AXIN1: variants seen among roughly 807,000 people sequenced by gnomAD.
AXIN1 encodes the protein axin 1.
A neutral mutation model predicts 76.4 loss-of-function variants in AXIN1; 30 were observed. The observed-to-expected ratio is 0.39, with a 90% CI of 0.29 to 0.53. AXIN1 has a LOEUF of 0.53. Ranked by LOEUF, AXIN1 falls within the 20% of genes least tolerant of loss-of-function variation. The pLI, the probability that AXIN1 is intolerant of heterozygous loss-of-function variation, is 0.66. For synonymous variants in AXIN1, 545 were observed against 501.4 expected (o/e 1.09, Z -1.16); for missense variants, 1,140 against 1,198.8 (o/e 0.95, Z 0.72).
chr16:337,062 A>G (rs2053820334), intron 2 of AXIN1, among the ~76,000 whole-genome samples: 1 of 141,066 alleles, frequency 7.1e-6, no homozygotes, highest in South Asian at 2.4e-4. Flanking sequence ...AGGGAGGAGG[A>G]GCTCTTGAGC....
chr16:323,479 TA>T (rs199976096), intron 2 of AXIN1, among the ~76,000 whole-genome samples: 15 of 129,378 alleles, frequency 1.2e-4, no homozygotes, highest in Middle Eastern at 6.1e-3. Context: ...AAAATAAGAT[TA>T]AAAAAAACAA....
intron 2 of AXIN1, among the ~76,000 whole-genome samples, chr16:324,912 A>G (rs1157104594): frequency 6.6e-6 from 1 of 152,208 alleles, no homozygotes; most frequent in Admixed American, 6.5e-5. Context: ...CCCGGTGCAC[A>G]GTTCCTAAGG....
Position 291,259 on chromosome 16 carries a change from A to C in AXIN1, c.2225T>G (p.Val742Gly), listed in dbSNP as rs1195550898. Residue 742 changes from valine (V) to glycine (G), a missense_variant, in exon 9 of 11, where the codon GTC (valine) becomes GGC (glycine). Val to Gly is a moderately radical substitution (Grantham distance 109). This residue lies in a region of AXIN1 where 429 missense variants were observed against 405.8 expected (regional missense o/e 1.06). Coordinates refer to ENST00000262320, the MANE Select transcript of AXIN1 (RefSeq NM_003502.4). Reference sequence around the variant, plus strand: ...CAGCACCGGCGCGCACGCTGGCCTGACGCAGGCGCGTCCCCGCCGCATAAC... The same window carrying C: ...CAGCACCGGCGCGCACGCTGGCCTGCCGCAGGCGCGTCCCCGCCGCATAAC... ...QEVMRRGRAC[V>G]RPACAPVLHV... The C allele has an allele frequency of 1.9e-6, 3 of 1,584,012 alleles. No individual in the cohort carries two copies. Among genetic ancestry groups the C allele is most frequent in the Non-Finnish European group, 2.6e-6 (3 of 1,166,014 alleles).
intron 2 of AXIN1, among the ~76,000 whole-genome samples, chr16:317,451 C>T (rs1341334071): frequency 6.6e-6 from 1 of 152,226 alleles, no homozygotes; most frequent in African/African-American, 2.4e-5. Flanking sequence ...ACACGGTTCA[C>T]GATGTCAGGC....
At chr16:320,690 T>C (rs1353622828) in intron 2 of AXIN1, among the ~76,000 whole-genome samples, 2 of 149,540 alleles carry the variant, frequency 1.3e-5, no homozygotes, top group Non-Finnish European at 3.0e-5. Flanking sequence ...TGTGTGTATA[T>C]ATGTATATAT....
At chr16:296,919 G>A in intron 7 of AXIN1, 137 bp downstream of exon 7, 1 of 1,096,816 alleles carries the variant, frequency 9.1e-7, no homozygotes. Flanking sequence ...CCGGGAGGGT[G>A]CCACAGTGAC....
At chr16:338,556 G>A (rs565405741) in intron 2 of AXIN1, among the ~76,000 whole-genome samples, 8 of 152,380 alleles carry the variant, frequency 5.3e-5, no homozygotes, top group South Asian at 2.1e-4. Context: ...ACCTGTCTGA[G>A]ACTATGGAGC....
intron 4 of AXIN1, 134 bp downstream of exon 4, chr16:309,839 G>C (rs1264346771): frequency 7.2e-6 from 6 of 830,758 alleles, no homozygotes; most frequent in Non-Finnish European, 1.0e-5. Context: ...GATGTTGCTG[G>C]GATCACACGC....
At chr16:314,329 C>A (rs74000508) in intron 3 of AXIN1, among the ~76,000 whole-genome samples, 8,793 of 152,226 alleles carry the variant, frequency 0.058, 759 homozygotes, top group African/African-American at 0.19. Flanking sequence ...AACACTTTTC[C>A]TGAAGACAAA....
In AXIN1 at chr16:340,600, C is replaced by G. The variant is rs558357097; in HGVS notation, c.878+5548G>C. 5.9e-5 allele frequency among the ~76,000 whole-genome samples: 9 copies of G among 152,368 alleles called. No homozygotes were observed. The South Asian group carries it at 1.9e-3, about 32-fold the overall frequency. On this transcript the variant is annotated intron_variant, in intron 2 of 10. Transcript: ENST00000262320. ...TCAACAGCAGAACCTGCCTGCTGATCCACACCGCTGAAATGACGAGGTGAA... is the reference window on the plus strand; with the variant it reads ...TCAACAGCAGAACCTGCCTGCTGATGCACACCGCTGAAATGACGAGGTGAA...
In AXIN1 at chr16:288,245, G is replaced by A. The variant is rs745518176; in HGVS notation, c.2466C>T (p.Tyr822=). The A allele has an allele frequency of 1.3e-5, 21 of 1,613,488 alleles. No individual in the cohort carries two copies. Among genetic ancestry groups the A allele is most frequent in the Non-Finnish European group, 2.5e-6 (3 of 1,180,014 alleles). ...ELLTKKGSYR[Y]YFKKVSDEFD... ...ACTCGTCGCTCACTTTCTTGAAGTA[G>A]TATCTGCAGGACGGAGGTGAGGAGG... Residue 822 remains tyrosine, a synonymous_variant, in exon 11 of 11, where the codon TAC becomes TAT. Coordinates refer to ENST00000262320, the MANE Select transcript of AXIN1 (RefSeq NM_003502.4).
At chr16:298,487 G>A (rs993436979) in intron 5 of AXIN1, among the ~76,000 whole-genome samples, 3 of 152,216 alleles carry the variant, frequency 2.0e-5, no homozygotes, top group African/African-American at 4.8e-5. Context: ...GCTGTGGGCA[G>A]AGCTCTGCAC....
rs1398455752 is a variant in AXIN1, at chr16:287,965, C to T, written c.*157G>A. On this transcript the variant is annotated 3_prime_UTR_variant, in exon 11 of 11. Coordinates refer to ENST00000262320, the MANE Select transcript of AXIN1 (RefSeq NM_003502.4). ...GAAGCTTGTGGACCACTTGGAGGGA[C>T]CCCCTACCTGCCTCTAGACACGGGT... 7.9e-7 allele frequency: 1 copy of T among 1,262,596 alleles called. No individual in the cohort carries two copies. Among genetic ancestry groups the T allele is most frequent in the Non-Finnish European group, 1.1e-6 (1 of 881,778 alleles). The allele number at this position is 1,262,596 out of a possible 1,614,324, so 78.2% of individuals were successfully genotyped here. A position where few individuals can be genotyped will look rare whatever the true frequency, so the allele number is the denominator to read the frequency against.
At chr16:341,115 A>G (rs552710237) in intron 2 of AXIN1, among the ~76,000 whole-genome samples, 40 of 152,396 alleles carry the variant, frequency 2.6e-4, no homozygotes, top group Middle Eastern at 6.8e-3. Flanking sequence ...CAGTCCTCAC[A>G]GCCCTCGCTC....
chr16:351,418 T>C (rs2054140230), intron 1 of AXIN1, among the ~76,000 whole-genome samples: 1 of 152,194 alleles, frequency 6.6e-6, no homozygotes, highest in Admixed American at 6.5e-5. Context: ...CAGGCCAGCC[T>C]GGTCAACATG....
chr16:341,536 A>G lies in AXIN1; in HGVS notation c.878+4612T>C, dbSNP rs907470290. On this transcript the variant is annotated intron_variant, in intron 2 of 10. Coordinates refer to ENST00000262320, the MANE Select transcript of AXIN1 (RefSeq NM_003502.4). ...TCGGGAGCTGCAGCCCGCCATGCCTAAGCCCCCCACCCCCTCCGTGGGCTC... is the reference window on the plus strand; with the variant it reads ...TCGGGAGCTGCAGCCCGCCATGCCTGAGCCCCCCACCCCCTCCGTGGGCTC... Among the ~76,000 whole-genome samples the G allele has an allele frequency of 9.8e-5, 15 of 152,296 alleles. 2 individuals carry two copies. Among genetic ancestry groups the G allele is most frequent in the Admixed American group, 5.2e-4 (8 of 15,308 alleles).
At chr16:347,577 G>T (rs1212540415) in intron 1 of AXIN1, among the ~76,000 whole-genome samples, 2 of 152,214 alleles carry the variant, frequency 1.3e-5, no homozygotes, top group Admixed American at 1.3e-4. Flanking sequence ...AGAGAGAAAG[G>T]AAGGTGCGCT....
In AXIN1 at chr16:297,765, T is replaced by A. The variant is rs767616322; in HGVS notation, c.1741A>T (p.Ser581Cys). 7 of 1,588,680 alleles carry A rather than the reference T, an allele frequency of 4.4e-6. No homozygotes were observed. Among genetic ancestry groups the A allele is most frequent in the South Asian group, 1.1e-5 (1 of 88,646 alleles). The change falls in exon 6 of 11, where the codon AGT becomes TGT. Residue 581 changes from serine (S) to cysteine (C), a missense_variant. This residue lies in a region of AXIN1 where 429 missense variants were observed against 405.8 expected (regional missense o/e 1.06). Transcript: ENST00000262320. The part of the protein sequence containing the change: ...HGARSRGYSE[S>C]VGAAPNASDG... Reference sequence around the variant, plus strand: ...CTGGCGTTGGGGGCAGCGCCAACACTCTCTGAGTAGCCTCGGGACCTTGCC... The same window carrying A: ...CTGGCGTTGGGGGCAGCGCCAACACACTCTGAGTAGCCTCGGGACCTTGCC...
At chr16:300,096 T>A (rs529888226) in intron 5 of AXIN1, among the ~76,000 whole-genome samples, 1 of 152,054 alleles carries the variant, frequency 6.6e-6, no homozygotes, top group Non-Finnish European at 1.5e-5. Context: ...CCCACCACCA[T>A]GCCCAGCTAA....
Sources: allele counts gnomAD v4.1 joint callset (sites outside exome capture counted in the v4.1 genomes callset), GRCh38; gene constraint gnomAD v4.1.1; regional missense constraint gnomAD v4.1.1; transcripts MANE v1.5; gene names NCBI Gene and HGNC (gene_info 2026-07-23, HGNC 2026-07-21).